CCDC85C: variants seen among roughly 807,000 people sequenced by gnomAD.
CCDC85C encodes coiled-coil domain-containing protein 85C.
In CCDC85C, 18 loss-of-function variants were observed where a neutral mutation model predicts 38.3. That is an observed-to-expected ratio of 0.47 (90% CI 0.33 to 0.70). CCDC85C has a LOEUF of 0.70. Among genes scored for constraint, CCDC85C ranks in the 30% least tolerant of loss-of-function variants. The probability of loss-of-function intolerance (pLI) is 0.03; values close to 1 mark genes in which losing one functional copy is unlikely to be tolerated. For synonymous variants in CCDC85C, 264 were observed against 293.8 expected, an observed-to-expected ratio of 0.90 and a Z score of 1.04; for missense variants, 566 against 621.2, an observed-to-expected ratio of 0.91 and a Z score of 0.94.
In CCDC85C at chr14:99,506,789, T is replaced by G; in HGVS notation, c.*8457A>C. ...AAGACGTTGCTCTGCTGGTCTCACA[T>G]GGTCGGAAGGACTTGAGTGAAGTGG... On this transcript the variant is annotated 3_prime_UTR_variant, in exon 6 of 6. Coordinates refer to ENST00000380243, the MANE Select transcript of CCDC85C (RefSeq NM_001144995.2). 1 of 408,826 alleles carries G rather than the reference T, an allele frequency of 2.4e-6. No individual in the cohort carries two copies. The highest frequency in any genetic ancestry group is 4.6e-6 in the Non-Finnish European group (1 of 216,482). The allele number at this position is 408,826 out of a possible 1,614,324, so 25.3% of individuals were successfully genotyped here. A position where few individuals can be genotyped will look rare whatever the true frequency, so the allele number is the denominator to read the frequency against.
chr14:99,516,683 G>A lies in CCDC85C; in HGVS notation c.1072-397C>T, dbSNP rs933227441. ...ACGTACGTAGGAGGAAGGGGGGCAT[G>A]GGAGTGGGGACTGTGCTCAGGTGTG... On this transcript the variant is annotated intron_variant, in intron 4 of 5. Coordinates refer to ENST00000380243, the MANE Select transcript of CCDC85C (RefSeq NM_001144995.2). The surrounding 1 kb of genome is among the most constrained non-coding windows in gnomAD (Gnocchi z 5.5). Among the ~76,000 whole-genome samples, 2 of 152,146 alleles carry A rather than the reference G, an allele frequency of 1.3e-5. No individual in the cohort carries two copies. The highest frequency in any genetic ancestry group is 2.9e-5 in the Non-Finnish European group (2 of 68,012).
rs1285612327 is a variant in CCDC85C at position 99,506,794 on chromosome 14, G to A, written c.*8452C>T. On this transcript the variant is annotated 3_prime_UTR_variant, in exon 6 of 6. Coordinates refer to ENST00000380243, the MANE Select transcript of CCDC85C (RefSeq NM_001144995.2). The stretch of plus-strand genomic sequence containing the variant: ...GTTGCTCTGCTGGTCTCACATGGTC[G>A]GAAGGACTTGAGTGAAGTGGTCAGC... The A allele has an allele frequency of 1.4e-5, 6 of 415,018 alleles. No homozygotes were observed. The East Asian group carries it at 1.6e-4, about 11-fold the overall frequency. 25.7% of individuals were successfully genotyped at this position (415,018 alleles called of 1,614,324 possible).
intron 1 of CCDC85C, among the ~76,000 whole-genome samples, chr14:99,593,897 T>C (rs1056885616): frequency 6.6e-6 from 1 of 152,100 alleles, no homozygotes; most frequent in Non-Finnish European, 1.5e-5. Context: ...ATAGCTAATA[T>C]ACAGCCACAA....
intron 1 of CCDC85C, among the ~76,000 whole-genome samples, chr14:99,583,346 T>C (rs1036685334): frequency 6.6e-6 from 1 of 150,554 alleles, no homozygotes; most frequent in Non-Finnish European, 1.5e-5. Context: ...TTCTACTAAA[T>C]ACAAAAAATT....
chr14:99,526,755 G>A (rs1268609555), intron 2 of CCDC85C, among the ~76,000 whole-genome samples: 2 of 152,240 alleles, frequency 1.3e-5, no homozygotes, highest in Non-Finnish European at 2.9e-5. Flanking sequence ...GGCCTCAGTG[G>A]CCTATCAGGC....
chr14:99,507,168 C>T lies in CCDC85C; in HGVS notation c.*8078G>A. On this transcript the variant is annotated 3_prime_UTR_variant, in exon 6 of 6. Transcript: ENST00000380243. The stretch of plus-strand genomic sequence containing the variant: ...TCCAGGTAAGCATCTGCTGAAGCAG[C>T]TTGGCCAGCTGTGCACATCGCCTCT... 6.7e-7 allele frequency: 1 copy of T among 1,490,084 alleles called. No homozygotes were observed. Among genetic ancestry groups the T allele is most frequent in the South Asian group, 1.1e-5 (1 of 88,634 alleles). The allele number at this position is 1,490,084 out of a possible 1,614,324, so 92.3% of individuals were successfully genotyped here.
chr14:99,569,563 A>T lies in CCDC85C; in HGVS notation c.794-33475T>A, dbSNP rs1376398790. On this transcript the variant is annotated intron_variant, in intron 1 of 5. Transcript: ENST00000380243. This position sits in a 1 kb window ranked among gnomAD's most constrained non-coding sequence, Gnocchi z 4.3. ...CAGGAAGGCTTTGAACAGACAAGAG[A>T]CAGTGATTCAACGGTCCCAGGCCAA... is the stretch of plus-strand genomic sequence containing the variant. Among the ~76,000 whole-genome samples, 2 of 152,170 alleles carry T rather than the reference A, an allele frequency of 1.3e-5. No homozygotes were observed. Among genetic ancestry groups the T allele is most frequent in the Non-Finnish European group, 1.5e-5 (1 of 68,014 alleles).
chr14:99,538,429 G>A (rs1897648014), intron 1 of CCDC85C, among the ~76,000 whole-genome samples: 2 of 152,214 alleles, frequency 1.3e-5, no homozygotes, highest in African/African-American at 2.4e-5. Flanking sequence ...CAGGGCCCCT[G>A]CTCACCACAG....
chr14:99,601,640 G>A (rs1230025886), intron 1 of CCDC85C, among the ~76,000 whole-genome samples: 3 of 152,126 alleles, frequency 2.0e-5, no homozygotes, highest in Admixed American at 1.3e-4. Flanking sequence ...CCCCCAGGAC[G>A]GCAAAATCAA....
At chr14:99,551,341 G>A (rs1465348893) in intron 1 of CCDC85C, among the ~76,000 whole-genome samples, 1 of 152,216 alleles carries the variant, frequency 6.6e-6, no homozygotes, top group Non-Finnish European at 1.5e-5. Context: ...AAGCAAGCAG[G>A]TGAACAGGTG....
chr14:99,582,847 G>A (rs2054988371), intron 1 of CCDC85C, among the ~76,000 whole-genome samples: 1 of 152,146 alleles, frequency 6.6e-6, no homozygotes, highest in South Asian at 2.1e-4. Flanking sequence ...TAAAAACTAG[G>A]GAAATGTGAA....
chr14:99,569,859 A>T lies in CCDC85C; in HGVS notation c.793+33308T>A, dbSNP rs1162788650. Among the ~76,000 whole-genome samples the T allele has an allele frequency of 1.3e-5, 2 of 152,098 alleles. No individual in the cohort carries two copies. Among genetic ancestry groups the T allele is most frequent in the Non-Finnish European group, 2.9e-5 (2 of 67,996 alleles). Reference sequence around the variant, plus strand: ...CCCTGTTGTAATCCCAACTTTGGGAAGCTGAGGCGGGAGGATAGCATGAGC... The same window carrying T: ...CCCTGTTGTAATCCCAACTTTGGGATGCTGAGGCGGGAGGATAGCATGAGC... On this transcript the variant is annotated intron_variant, in intron 1 of 5. Coordinates refer to ENST00000380243, the MANE Select transcript of CCDC85C (RefSeq NM_001144995.2). The surrounding 1 kb of genome is among the most constrained non-coding windows in gnomAD (Gnocchi z 4.3).
rs1380547602 is a variant in CCDC85C at position 99,513,708 on chromosome 14, G to C, written c.*1538C>G. ...ACAGCCTCTCTGGGCTCTTCAGGTG[G>C]GGCTGAGCAGCCCCTGGAAGAGCAC... is the stretch of plus-strand genomic sequence containing the variant. On this transcript the variant is annotated 3_prime_UTR_variant, in exon 6 of 6. Coordinates refer to ENST00000380243, the MANE Select transcript of CCDC85C (RefSeq NM_001144995.2). The C allele has an allele frequency of 6.6e-6, 1 of 152,258 alleles. No homozygotes were observed. Among genetic ancestry groups the C allele is most frequent in the Non-Finnish European group, 1.5e-5 (1 of 68,086 alleles). The allele number at this position is 152,258 out of a possible 1,614,324, so 9.4% of individuals were successfully genotyped here.
At chr14:99,579,587 G>A (rs1269384457) in intron 1 of CCDC85C, among the ~76,000 whole-genome samples, 3 of 152,238 alleles carry the variant, frequency 2.0e-5, no homozygotes, top group South Asian at 2.1e-4. Flanking sequence ...TCTCCAGGGC[G>A]CAGCCCCAGA....
rs1898301143 is a variant in CCDC85C, at chr14:99,569,905, T to C, written c.793+33262A>G. Among the ~76,000 whole-genome samples the C allele has an allele frequency of 6.6e-6, 1 of 151,622 alleles. No homozygotes were observed. The highest frequency in any genetic ancestry group is 6.6e-5 in the Admixed American group (1 of 15,204). On this transcript the variant is annotated intron_variant, in intron 1 of 5. Coordinates refer to ENST00000380243, the MANE Select transcript of CCDC85C (RefSeq NM_001144995.2). This position sits in a 1 kb window ranked among gnomAD's most constrained non-coding sequence, Gnocchi z 4.3. ...TGAGCCCAGGAGGTCAAGGCTGCAG[T>C]GAGCTATGATAGTGTCACTGCACTC...
In CCDC85C at chr14:99,512,854, T is replaced by A. The variant is rs546981061; in HGVS notation, c.*2392A>T. 4 of 151,686 alleles carry A rather than the reference T, an allele frequency of 2.6e-5. No homozygotes were observed. Among genetic ancestry groups the A allele is most frequent in the East Asian group, 3.9e-4 (2 of 5,176 alleles). The allele number at this position is 151,686 out of a possible 1,614,324, so 9.4% of individuals were successfully genotyped here. A position where few individuals can be genotyped will look rare whatever the true frequency, so the allele number is the denominator to read the frequency against. ...CCCCTGTGGGAAGCCCCATCTGACC[T>A]TCTACAGCCCACGGCTCTGCAACTG... On this transcript the variant is annotated 3_prime_UTR_variant, in exon 6 of 6. Transcript: ENST00000380243.
intron 1 of CCDC85C, among the ~76,000 whole-genome samples, chr14:99,587,869 C>T (rs952599694): frequency 6.6e-6 from 1 of 152,206 alleles, no homozygotes; most frequent in Non-Finnish European, 1.5e-5. Context: ...GCCTGGAGCC[C>T]CCACATCACA....
chr14:99,554,714 C>A (rs79133270), intron 1 of CCDC85C, among the ~76,000 whole-genome samples: 224 of 152,352 alleles, frequency 1.5e-3, no homozygotes, highest in African/African-American at 5.1e-3. Flanking sequence ...ACTGGGCTCT[C>A]AGAAAAGCCA....
intron 1 of CCDC85C, among the ~76,000 whole-genome samples, chr14:99,546,603 T>C (rs1566768941): frequency 6.6e-6 from 1 of 151,954 alleles, no homozygotes; most frequent in Non-Finnish European, 1.5e-5. Context: ...GGTGGTAGGA[T>C]TCCTAGGGCG....
Sources: gnomAD v4.1 joint callset for allele counts (sites outside exome capture counted in the v4.1 genomes callset) on GRCh38, gnomAD v4.1.1 for gene constraint, Gnocchi (gnomAD v3.1) non-coding constraint, MANE v1.5 for transcripts, NCBI Gene and HGNC (gene_info 2026-07-23, HGNC 2026-07-21) for gene names.